The following PNPT1 variants were observed in gnomAD, a reference collection of about 807,000 sequenced individuals.
PNPT1 encodes polyribonucleotide nucleotidyltransferase 1, mitochondrial.
A neutral mutation model predicts 119.5 loss-of-function variants in PNPT1; 53 were observed. The observed-to-expected ratio is 0.44, with a 90% CI of 0.36 to 0.56. The LOEUF (loss-of-function observed/expected upper bound fraction) is 0.56. Among genes scored for constraint, PNPT1 ranks in the 20% least tolerant of loss-of-function variants. PNPT1 has a pLI of 0.00. For missense variants in PNPT1, 948 were observed against 938.5 expected (o/e 1.01, Z -0.13); for synonymous variants, 357 against 322.1 (o/e 1.11, Z -1.16).
chr2:55,675,071 A>G (rs1697022968), intron 8 of PNPT1, among the ~76,000 whole-genome samples: 1 of 152,084 alleles, frequency 6.6e-6, no homozygotes, highest in Non-Finnish European at 1.5e-5. Context: ...GACCAGGCTG[A>G]GCAACACAGC....
At chr2:55,656,458 T>C (rs574584569) in intron 15 of PNPT1, 87 bp from the exon 16 acceptor site, 31 of 1,167,910 alleles carry the variant, frequency 2.7e-5, no homozygotes, top group East Asian at 1.7e-4. Flanking sequence ...AAACAACTTA[T>C]AGAACAGTAG....
At chr2:55,679,838 C>T (rs762295791) in intron 7 of PNPT1, 43 bp from the exon 8 acceptor site, 2 of 1,364,166 alleles carry the variant, frequency 1.5e-6, no homozygotes, top group Non-Finnish European at 2.1e-6. Flanking sequence ...ATGGAAATAC[C>T]CAGTTTTCAA....
intron 22 of PNPT1, 74 bp downstream of exon 22, chr2:55,645,275 C>T (rs896890763): frequency 1.8e-5 from 17 of 971,186 alleles, no homozygotes; most frequent in East Asian, 2.6e-5. Context: ...CCGCTCGCCT[C>T]GGCCTCCCAA....
chr2:55,655,847 T>C (rs1696367346), intron 17 of PNPT1, among the ~76,000 whole-genome samples: 2 of 152,242 alleles, frequency 1.3e-5, no homozygotes, highest in Non-Finnish European at 1.5e-5. Flanking sequence ...TTCCTCTCTC[T>C]GTTAACCTTG....
intron 7 of PNPT1, 97 bp from the exon 8 acceptor site, chr2:55,679,892 C>T: frequency 1.3e-6 from 1 of 796,530 alleles, no homozygotes; most frequent in Non-Finnish European, 2.0e-6. Context: ...TTGATTGTGA[C>T]CACAGAATAA....
Position 55,638,592 on chromosome 2 carries a change from T to G in PNPT1, c.2149-993A>C, listed in dbSNP as rs181183348. 5.3e-5 allele frequency among the ~76,000 whole-genome samples: 8 copies of G among 152,124 alleles called. No homozygotes were observed. The East Asian group carries it at 1.6e-3, about 30-fold the overall frequency. ...TGAGCCTGGGAGGCTGAGGCTGCAGTGAGCTGTGATCATGCCACTATACTC... is the reference window on the plus strand; with the variant it reads ...TGAGCCTGGGAGGCTGAGGCTGCAGGGAGCTGTGATCATGCCACTATACTC... On this transcript the variant is annotated intron_variant, in intron 26 of 27. Transcript: ENST00000447944.
At chr2:55,646,218 A>C (rs1695998418) in intron 21 of PNPT1, 41 bp downstream of exon 21, 1 of 1,544,848 alleles carries the variant, frequency 6.5e-7, no homozygotes, top group African/African-American at 1.4e-5. Flanking sequence ...CCATTAGCAA[A>C]GTGGAAAAGA....
chr2:55,659,831 G>C (rs1696506643), intron 15 of PNPT1, among the ~76,000 whole-genome samples: 1 of 152,184 alleles, frequency 6.6e-6, no homozygotes, highest in African/African-American at 2.4e-5. Context: ...AACCCAGGTA[G>C]TGGATATATG....
At position 55,646,425 on chromosome 2, in the gene PNPT1, G is replaced by C. The variant is rs1185596172; in HGVS notation, c.1664C>G (p.Thr555Ser). ...GGGTTTTAAAAATACCTGTAATGCA[G>C]TTATTCCTTTATTAGTGCCAGCTAT... ...FKIAGTNKGI[T>S]ALQADIKLPG... The change falls in exon 20 of 28, where the codon ACT becomes AGT. Residue 555 changes from threonine to serine, a missense_variant. Coordinates refer to ENST00000447944, the MANE Select transcript of PNPT1 (RefSeq NM_033109.5). The C allele has an allele frequency of 6.2e-7, 1 of 1,612,474 alleles. No individual in the cohort carries two copies. Among genetic ancestry groups the C allele is most frequent in the Non-Finnish European group, 8.5e-7 (1 of 1,179,276 alleles).
chr2:55,690,834 G>A (rs1484145114), intron 1 of PNPT1, among the ~76,000 whole-genome samples: 2 of 152,184 alleles, frequency 1.3e-5, no homozygotes, highest in Non-Finnish European at 2.9e-5. Context: ...AGAGGCTGAT[G>A]CTGGATTAGT....
intron 26 of PNPT1, among the ~76,000 whole-genome samples, chr2:55,640,311 G>A (rs113915694): frequency 0.024 from 3,617 of 152,086 alleles, 149 homozygotes; most frequent in African/African-American, 0.082. Flanking sequence ...ACGCCACCAC[G>A]CCCAGCTAAT....
Position 55,686,545 on chromosome 2 carries a change from G to T in PNPT1, c.223-101C>A, listed in dbSNP as rs115219496. On this transcript the variant is annotated intron_variant, in intron 2 of 27. Transcript: ENST00000447944. ...CTTACTCCAATTAAACTCAAGAAAA[G>T]ATATCTAATTCTACGACACGATTAT... 368 of 789,524 alleles carry T rather than the reference G, an allele frequency of 4.7e-4. 2 individuals are homozygous for T. The African/African-American group carries it at 6.0e-3, about 13-fold the overall frequency. 48.9% of individuals were successfully genotyped at this position (789,524 alleles called of 1,614,324 possible).
At chr2:55,649,421 T>C (rs181371048) in intron 18 of PNPT1, among the ~76,000 whole-genome samples, 143 of 152,366 alleles carry the variant, frequency 9.4e-4, no homozygotes, top group Middle Eastern at 3.4e-3. Context: ...TCATTTCCTA[T>C]ATCCCATCAA....
chr2:55,684,797 T>C (rs1039453057), intron 4 of PNPT1, 146 bp downstream of exon 4: 2 of 1,104,038 alleles, frequency 1.8e-6, no homozygotes, highest in African/African-American at 1.6e-5. Flanking sequence ...CACATTTGAG[T>C]GAGGGAAGAG....
At chr2:55,658,212 G>C (rs923644715) in intron 15 of PNPT1, among the ~76,000 whole-genome samples, 2 of 152,060 alleles carry the variant, frequency 1.3e-5, no homozygotes, top group Non-Finnish European at 2.9e-5. Context: ...CAGCCTGAGT[G>C]ACAGAGTGAG....
chr2:55,686,406 T>A lies in PNPT1; in HGVS notation c.261A>T (p.Lys87Asn). ...DTAVMVTAVS[K>N]TKPSPSQFMP... ...TAAACTGGGAAGGGGAAGGTTTTGT[T>A]TTACTGACCGCTGTGACCATTACTG... The change falls in exon 3 of 28, where the codon AAA becomes AAT. Residue 87 changes from lysine (K) to asparagine (N), a missense_variant. Physicochemically the swap from Lys to Asn is moderately conservative, Grantham distance 94. Coordinates refer to ENST00000447944, the MANE Select transcript of PNPT1 (RefSeq NM_033109.5). The A allele has an allele frequency of 6.2e-7, 1 of 1,613,972 alleles. No individual in the cohort carries two copies. Among genetic ancestry groups the A allele is most frequent in the Non-Finnish European group, 8.5e-7 (1 of 1,179,882 alleles).
At chr2:55,691,207 G>A (rs1221238154) in intron 1 of PNPT1, among the ~76,000 whole-genome samples, 1 of 152,182 alleles carries the variant, frequency 6.6e-6, no homozygotes, top group Non-Finnish European at 1.5e-5. Flanking sequence ...GCCCACTGTG[G>A]CATATTCTGT....
chr2:55,668,024 T>G (rs1413010664), intron 11 of PNPT1, 66 bp from the exon 12 acceptor site: 29 of 1,372,864 alleles, frequency 2.1e-5, no homozygotes, highest in Middle Eastern at 3.6e-4. Context: ...TTCTCTAAAG[T>G]TCATAGCATA....
At chr2:55,649,175 A>C (rs1442863857) in intron 18 of PNPT1, among the ~76,000 whole-genome samples, 2 of 152,208 alleles carry the variant, frequency 1.3e-5, no homozygotes, top group Non-Finnish European at 2.9e-5. Context: ...CCAGTGGCTC[A>C]TGCTTGTAAT....
Sources: gnomAD v4.1 joint callset for allele counts (sites outside exome capture counted in the v4.1 genomes callset) on GRCh38, gnomAD v4.1.1 for gene constraint, MANE v1.5 for transcripts, NCBI Gene and HGNC (gene_info 2026-07-23, HGNC 2026-07-21) for gene names.